The following TMEM132C variants were observed in gnomAD, a reference collection of about 807,000 sequenced individuals.
TMEM132C encodes transmembrane protein 132C, also known as protein phosphatase 1, regulatory subunit 152.
Under a neutral mutation model 61.4 loss-of-function variants are expected in TMEM132C, and 29 were observed. The observed-to-expected ratio is 0.47, with a 90% CI of 0.35 to 0.64. TMEM132C has a LOEUF of 0.64. TMEM132C is among the 30% of genes least tolerant of loss of function. The pLI, the probability that TMEM132C is intolerant of heterozygous loss-of-function variation, is 0.00. For synonymous variants in TMEM132C, 656 were observed against 633.1 expected, an observed-to-expected ratio of 1.04 and a Z score of -0.54; for missense variants, 1,408 against 1,476.9, an observed-to-expected ratio of 0.95 and a Z score of 0.76.
At chr12:128,694,645 G>T (rs1954744617) in intron 6 of TMEM132C, among the ~76,000 whole-genome samples, 1 of 152,126 alleles carries the variant, frequency 6.6e-6, no homozygotes, top group Admixed American at 6.5e-5. Flanking sequence ...GACCATCAGG[G>T]CTCTTTCCCT....
At chr12:128,445,771 G>C (rs1869960556) in intron 2 of TMEM132C, among the ~76,000 whole-genome samples, 1 of 152,282 alleles carries the variant, frequency 6.6e-6, no homozygotes, top group South Asian at 2.1e-4. Context: ...AAGAGTAACT[G>C]TCCATAATAG....
At chr12:128,541,724 T>C (rs11059759) in intron 2 of TMEM132C, among the ~76,000 whole-genome samples, 81,266 of 152,032 alleles carry the variant, frequency 0.53, 22,546 homozygotes, top group Middle Eastern at 0.61. Context: ...GCCCCTCAAC[T>C]GCACTTGCTG....
chr12:128,363,640 T>A (rs1873772419), intron 1 of TMEM132C, among the ~76,000 whole-genome samples: 1 of 150,996 alleles, frequency 6.6e-6, no homozygotes, highest in South Asian at 2.1e-4. Flanking sequence ...AGGTCAAGAG[T>A]TCGAGACCAG....
intron 5 of TMEM132C, among the ~76,000 whole-genome samples, chr12:128,675,641 C>T (rs2135635563): frequency 6.6e-6 from 1 of 152,014 alleles, no homozygotes; most frequent in East Asian, 1.9e-4. Context: ...CTCTTCCCAT[C>T]CTCTAGATAG....
intron 2 of TMEM132C, among the ~76,000 whole-genome samples, chr12:128,478,892 G>A (rs575016026): frequency 1.4e-4 from 21 of 152,286 alleles, no homozygotes; most frequent in South Asian, 2.1e-4. Context: ...TACTGTTCTC[G>A]CCACCTTTCT....
intron 1 of TMEM132C, among the ~76,000 whole-genome samples, chr12:128,338,077 T>G (rs1022228966): frequency 6.7e-6 from 1 of 149,550 alleles, no homozygotes; most frequent in African/African-American, 2.5e-5. Context: ...GGTAGCGTTT[T>G]ACATCTGGCT....
chr12:128,295,518 C>A (rs1871378519), intron 1 of TMEM132C, among the ~76,000 whole-genome samples: 2 of 150,830 alleles, frequency 1.3e-5, no homozygotes, highest in South Asian at 4.2e-4. Context: ...CTGTGATGTC[C>A]AGGGCGTCCT....
intron 2 of TMEM132C, among the ~76,000 whole-genome samples, chr12:128,482,233 A>G (rs796629283): frequency 5.3e-5 from 8 of 152,328 alleles, no homozygotes; most frequent in African/African-American, 1.4e-4. Context: ...CTTGCATCCC[A>G]GGGATGAAGC....
At chr12:128,513,937 C>T (rs1872643717) in intron 2 of TMEM132C, among the ~76,000 whole-genome samples, 1 of 152,174 alleles carries the variant, frequency 6.6e-6, no homozygotes, top group South Asian at 2.1e-4. Context: ...AATAGCTGAA[C>T]CTGCAACAAG....
chr12:128,697,533 T>G, intron 8 of TMEM132C, 118 bp downstream of exon 8: 1 of 1,028,308 alleles, frequency 9.7e-7, no homozygotes, highest in Non-Finnish European at 1.4e-6. Context: ...TGTTCCACAA[T>G]GGAAGCCATG....
At chr12:128,313,049 C>G (rs1054122761) in intron 1 of TMEM132C, among the ~76,000 whole-genome samples, 1 of 152,228 alleles carries the variant, frequency 6.6e-6, no homozygotes, top group Non-Finnish European at 1.5e-5. Flanking sequence ...AGAGAGGCAA[C>G]ATAACAAGCT....
At position 128,675,693 on chromosome 12, in the gene TMEM132C, T is replaced by C. The variant is rs370974198; in HGVS notation, c.1449+6133T>C. Among the ~76,000 whole-genome samples, 20 of 152,134 alleles carry C rather than the reference T, an allele frequency of 1.3e-4. No homozygotes were observed. In the East Asian group the frequency reaches 2.9e-3, roughly 22 times the overall value. Reference sequence around the variant, plus strand: ...GCAGGTAGATGGATAGATGGATGGATAGGTGGATATGTGAATAGATGGGTG... The same window carrying C: ...GCAGGTAGATGGATAGATGGATGGACAGGTGGATATGTGAATAGATGGGTG... On this transcript the variant is annotated intron_variant, in intron 5 of 8. Transcript: ENST00000435159.
chr12:128,535,372 GAACTCA>G (rs935074062), intron 2 of TMEM132C, among the ~76,000 whole-genome samples: 10 of 113,398 alleles, frequency 8.8e-5, no homozygotes, highest in African/African-American at 2.0e-4. Flanking sequence ...AATCTACAAA[GAACTCA>G]AACAAATTTA....
chr12:128,495,479 T>C (rs1341356364), intron 2 of TMEM132C, among the ~76,000 whole-genome samples: 1 of 152,182 alleles, frequency 6.6e-6, no homozygotes, highest in Non-Finnish European at 1.5e-5. Flanking sequence ...CTAAGTCTCT[T>C]TGTAGGTCTC....
chr12:128,541,954 C>T (rs1018529548), intron 2 of TMEM132C, among the ~76,000 whole-genome samples: 1 of 152,164 alleles, frequency 6.6e-6, no homozygotes, highest in African/African-American at 2.4e-5. Context: ...CCCCAGGCAC[C>T]CCCAGTTCCC....
At chr12:128,508,283 C>T (rs770613685) in intron 2 of TMEM132C, among the ~76,000 whole-genome samples, 5 of 152,126 alleles carry the variant, frequency 3.3e-5, no homozygotes, top group African/African-American at 4.8e-5. Flanking sequence ...GAAACCGCCT[C>T]CGTGATTCAG....
intron 1 of TMEM132C, among the ~76,000 whole-genome samples, chr12:128,386,296 G>A (rs1046931661): frequency 4.6e-5 from 7 of 152,074 alleles, no homozygotes; most frequent in Non-Finnish European, 5.9e-5. Context: ...TCTCTCTTTC[G>A]CCAACATTTA....
intron 5 of TMEM132C, among the ~76,000 whole-genome samples, chr12:128,687,788 G>A (rs1406481978): frequency 6.6e-6 from 1 of 152,208 alleles, no homozygotes; most frequent in Non-Finnish European, 1.5e-5. Context: ...AGAGGCAACT[G>A]TTGAGAAGAG....
chr12:128,635,643 C>T (rs1400967451), intron 4 of TMEM132C, among the ~76,000 whole-genome samples: 1 of 152,140 alleles, frequency 6.6e-6, no homozygotes, highest in Non-Finnish European at 1.5e-5. Context: ...GCCCCTGAAA[C>T]AGATCTCCAT....
Sources: gnomAD v4.1 joint callset for allele counts (sites outside exome capture counted in the v4.1 genomes callset) on GRCh38, gnomAD v4.1.1 for gene constraint, MANE v1.5 for transcripts, NCBI Gene and HGNC (gene_info 2026-07-23, HGNC 2026-07-21) for gene names.